VWA2: variants seen among roughly 807,000 people sequenced by gnomAD.
VWA2 encodes von Willebrand factor A domain-containing protein 2.
In VWA2, 73 loss-of-function variants were observed where a neutral mutation model predicts 70.4. The observed-to-expected ratio is 1.04, with a 90% CI of 0.86 to 1.26. VWA2 has a LOEUF of 1.26. Ranked by LOEUF, VWA2 falls within the 50% of genes most tolerant of loss-of-function variation. The pLI is 0.00. For missense variants in VWA2, 1,011 were observed against 998.5 expected (o/e 1.01, Z -0.17); for synonymous variants, 407 against 423.3 (o/e 0.96, Z 0.47).
rs535139009 is a variant in VWA2, at chr10:114,289,180, G to A, written c.1813G>A (p.Gly605Ser). ...GGCCATTAGCCAGGCCCCCTACCTA[G>A]GTGGGGTGGGCTCAGCCGGCACCGC... Reference protein sequence around the residue: ...LRAISQAPYLGGVGSAGTALL... With the variant: ...LRAISQAPYLSGVGSAGTALL... Residue 605 changes from glycine (G) to serine (S), a missense_variant, in exon 12 of 14, where the codon GGT (glycine) becomes AGT (serine). Coordinates refer to ENST00000392982, the MANE Select transcript of VWA2 (RefSeq NM_001272046.2). The A allele has an allele frequency of 3.1e-6, 5 of 1,613,690 alleles. No individual in the cohort carries two copies. In the South Asian group the frequency reaches 5.5e-5, roughly 18 times the overall value.
At chr10:114,285,874 G>T (rs1473133450) in intron 10 of VWA2, 65 bp from the exon 11 acceptor site, 3 of 1,470,910 alleles carry the variant, frequency 2.0e-6, no homozygotes, top group East Asian at 2.3e-5. Context: ...TCGGCATCTC[G>T]GGTGGGACAG....
At chr10:114,251,367 T>C (rs1274075514) in intron 2 of VWA2, among the ~76,000 whole-genome samples, 1 of 152,224 alleles carries the variant, frequency 6.6e-6, no homozygotes, top group Non-Finnish European at 1.5e-5. Flanking sequence ...GCCTGGCACC[T>C]GCCATGACAG....
chr10:114,269,843 C>T (rs1215498674), intron 5 of VWA2, among the ~76,000 whole-genome samples: 1 of 152,150 alleles, frequency 6.6e-6, no homozygotes, highest in Non-Finnish European at 1.5e-5. Context: ...GATCCAAGAA[C>T]ATAGCCAGGA....
At chr10:114,280,610 C>T (rs1011579402) in intron 8 of VWA2, 5 of 152,052 alleles carry the variant, frequency 3.3e-5, no homozygotes, top group African/African-American at 1.2e-4. Flanking sequence ...CCAGGGAAGC[C>T]TAAATCAGGG....
rs142575168 is a variant in VWA2 at position 114,288,847 on chromosome 10, T to G, written c.1571-91T>G. ...AGTGAACAGAGCACCCTGGCTGACCTTGGTCCTACCCAACCTGGCAGTCCC... is the reference window on the plus strand; with the variant it reads ...AGTGAACAGAGCACCCTGGCTGACCGTGGTCCTACCCAACCTGGCAGTCCC... On this transcript the variant is annotated intron_variant, in intron 11 of 13. Coordinates refer to ENST00000392982, the MANE Select transcript of VWA2 (RefSeq NM_001272046.2). 337 of 1,430,096 alleles carry G rather than the reference T, an allele frequency of 2.4e-4. No homozygotes were observed. In the African/African-American group the frequency reaches 4.3e-3, roughly 18 times the overall value. The allele number at this position is 1,430,096 out of a possible 1,614,324, so 88.6% of individuals were successfully genotyped here. A position where few individuals can be genotyped will look rare whatever the true frequency, so the allele number is the denominator to read the frequency against.
chr10:114,291,246 G>C lies in VWA2; in HGVS notation c.*9G>C. ...TCTTGAGACGCCCCTGAGGCACATG[G>C]CTCCCGTGCAGGAGGGCAGCAGCCG... On this transcript the variant is annotated 3_prime_UTR_variant, in exon 14 of 14. Transcript: ENST00000392982. The C allele has an allele frequency of 6.5e-7, 1 of 1,550,140 alleles. No homozygotes were observed. Among genetic ancestry groups the C allele is most frequent in the East Asian group, 2.4e-5 (1 of 40,902 alleles).
chr10:114,267,081 ATCAACATCCCTGTAC>A (rs1231677532), intron 5 of VWA2, among the ~76,000 whole-genome samples: 1 of 152,118 alleles, frequency 6.6e-6, no homozygotes, highest in Admixed American at 6.5e-5. Flanking sequence ...AAAAGCTGTA[ATCAACATCCCTGTAC>A]CTACAGTGGG....
chr10:114,278,609 A>C, intron 7 of VWA2, 110 bp from the exon 8 acceptor site: 1 of 1,503,962 alleles, frequency 6.6e-7, no homozygotes, highest in Non-Finnish European at 9.0e-7. Context: ...CCAGCCTGGA[A>C]GTGTGGTGGA....
Position 114,289,259 on chromosome 10 carries a change from G to C in VWA2, c.1892G>C (p.Gly631Ala). 6.2e-7 allele frequency: 1 copy of C among 1,614,168 alleles called. No individual in the cohort carries two copies. Among genetic ancestry groups the C allele is most frequent in the Non-Finnish European group, 8.5e-7 (1 of 1,180,022 alleles). ...VMTVQRGARP[G>A]VPKAVVVLTG... ...ACCGTCCAGAGGGGTGCCCGGCCTG[G>C]TGTCCCCAAAGCTGTGGTGGTGCTC... is the stretch of plus-strand genomic sequence containing the variant. The change falls in exon 12 of 14, where the codon GGT (glycine) becomes GCT (alanine). Residue 631 changes from glycine to alanine, a missense_variant. By Grantham distance (60) the Gly-to-Ala change is moderately conservative. Coordinates refer to ENST00000392982, the MANE Select transcript of VWA2 (RefSeq NM_001272046.2).
At chr10:114,245,188 A>G (rs1050427481) in intron 1 of VWA2, among the ~76,000 whole-genome samples, 1 of 152,210 alleles carries the variant, frequency 6.6e-6, no homozygotes, top group African/African-American at 2.4e-5. Flanking sequence ...CATACATTCT[A>G]TTTTAATGAG....
intron 3 of VWA2, among the ~76,000 whole-genome samples, chr10:114,254,521 C>A (rs561683645): frequency 4.6e-5 from 7 of 152,294 alleles, no homozygotes; most frequent in African/African-American, 1.7e-4. Flanking sequence ...CACATTGCTG[C>A]TGTTACTGCT....
intron 11 of VWA2, among the ~76,000 whole-genome samples, chr10:114,287,478 C>G (rs566170213): frequency 6.6e-6 from 1 of 152,130 alleles, no homozygotes; most frequent in South Asian, 2.1e-4. Flanking sequence ...AAATGTAAGC[C>G]TTTATAGGGC....
At position 114,289,035 on chromosome 10, in the gene VWA2, C is replaced by A; in HGVS notation, c.1668C>A (p.Ser556Arg). 1.2e-6 allele frequency: 2 copies of A among 1,614,216 alleles called. No homozygotes were observed. Among genetic ancestry groups the A allele is most frequent in the Non-Finnish European group, 1.7e-6 (2 of 1,180,038 alleles). Residue 556 changes from serine to arginine, a missense_variant, in exon 12 of 14, where the codon AGC becomes AGA. By Grantham distance (110) the Ser-to-Arg change is moderately radical. Coordinates refer to ENST00000392982, the MANE Select transcript of VWA2 (RefSeq NM_001272046.2). Reference sequence around the variant, plus strand: ...CTCAGATGCAGAGCTTTGTGAGAAGCTGTGCCCTCCAGTTTGAGGTGAACC... The same window carrying A: ...CTCAGATGCAGAGCTTTGTGAGAAGATGTGCCCTCCAGTTTGAGGTGAACC... Reference protein sequence around the residue: ...NFAQMQSFVRSCALQFEVNPD... With the variant: ...NFAQMQSFVRRCALQFEVNPD...
In VWA2 at chr10:114,271,397, A is replaced by G. The variant is rs181996689; in HGVS notation, c.372-1343A>G. Among the ~76,000 whole-genome samples the G allele has an allele frequency of 3.3e-4, 51 of 152,372 alleles. No homozygotes were observed. The East Asian group carries it at 8.7e-3, about 26-fold the overall frequency. The stretch of plus-strand genomic sequence containing the variant: ...TTAGAAAGCAATAAAAGTGAAGAAT[A>G]TTCTAGGCCTGGTCCATAAATCCTT... On this transcript the variant is annotated intron_variant, in intron 5 of 13. Coordinates refer to ENST00000392982, the MANE Select transcript of VWA2 (RefSeq NM_001272046.2).
At chr10:114,260,868 A>T (rs1160410299) in intron 4 of VWA2, among the ~76,000 whole-genome samples, 2 of 152,214 alleles carry the variant, frequency 1.3e-5, no homozygotes. Context: ...GGTAAAAGTG[A>T]GCAGAGACCC....
chr10:114,269,042 G>A (rs960595886), intron 5 of VWA2, among the ~76,000 whole-genome samples: 1 of 152,134 alleles, frequency 6.6e-6, no homozygotes, highest in Non-Finnish European at 1.5e-5. Flanking sequence ...ACTTCTCAGA[G>A]GTCAAGCCAT....
chr10:114,246,175 G>A, intron 1 of VWA2: 1 of 1,194,032 alleles, frequency 8.4e-7, no homozygotes, highest in South Asian at 1.2e-5. Context: ...CTCCTTTTGA[G>A]GCAAACGTAC....
At chr10:114,264,821 G>A (rs796139579) in intron 5 of VWA2, among the ~76,000 whole-genome samples, 3 of 151,912 alleles carry the variant, frequency 2.0e-5, no homozygotes, top group African/African-American at 7.2e-5. Flanking sequence ...CCGGGTTCAA[G>A]CGATTCTCCT....
In VWA2 at chr10:114,289,123, G is replaced by T. The variant is rs929413917; in HGVS notation, c.1756G>T (p.Asp586Tyr). Residue 586 changes from aspartate to tyrosine, a missense_variant, in exon 12 of 14, where the codon GAC (aspartate) becomes TAC (tyrosine). Asp to Tyr is a radical substitution (Grantham distance 160). Coordinates refer to ENST00000392982, the MANE Select transcript of VWA2 (RefSeq NM_001272046.2). ...GSQVQTAFGL[D>Y]TKPTRAAMLR... ...CCAGGTGCAGACTGCCTTCGGGCTG[G>T]ACACCAAACCCACCCGGGCTGCGAT... 1.2e-6 allele frequency: 2 copies of T among 1,613,946 alleles called. No individual in the cohort carries two copies. The highest frequency in any genetic ancestry group is 1.7e-6 in the Non-Finnish European group (2 of 1,180,030).
Sources: gnomAD v4.1 joint callset for allele counts (sites outside exome capture counted in the v4.1 genomes callset) on GRCh38, gnomAD v4.1.1 for gene constraint, MANE v1.5 for transcripts, NCBI Gene and HGNC (gene_info 2026-07-23, HGNC 2026-07-21) for gene names.